PKHD1: variants seen among roughly 807,000 people sequenced by gnomAD.
PKHD1 encodes fibrocystin.
A neutral mutation model predicts 412.0 loss-of-function variants in PKHD1; 291 were observed. The observed-to-expected ratio is 0.71, with a 90% CI of 0.64 to 0.78. PKHD1 has a LOEUF of 0.78. Among genes scored for constraint, PKHD1 ranks in the 30% least tolerant of loss-of-function variants. PKHD1 has a pLI of 0.00. For missense variants in PKHD1, 4,825 were observed against 4,950.7 expected (o/e 0.97, Z 0.76); for synonymous variants, 1,777 against 1,821.5 (o/e 0.98, Z 0.62).
rs1766267426 is a variant in PKHD1 at position 51,618,878 on chromosome 6, T to G, written c.*203A>C. ...GCCTAGCATTGAACTAGGATCATGA[T>G]AGCTGCAAAATATGTATGAGACATT... On this transcript the variant is annotated 3_prime_UTR_variant, in exon 67 of 67. Coordinates refer to ENST00000371117, the MANE Select transcript of PKHD1 (RefSeq NM_138694.4). 3.3e-6 allele frequency: 2 copies of G among 612,750 alleles called. No homozygotes were observed. Among genetic ancestry groups the G allele is most frequent in the Non-Finnish European group, 5.8e-6 (2 of 345,314 alleles). 38.0% of individuals were successfully genotyped at this position (612,750 alleles called of 1,614,324 possible).
intron 36 of PKHD1, among the ~76,000 whole-genome samples, chr6:51,957,971 C>A (rs909306930): frequency 1.3e-5 from 2 of 151,992 alleles, no homozygotes; most frequent in African/African-American, 2.4e-5. Flanking sequence ...CAGTATTATT[C>A]TTCATTTTTT....
At chr6:51,683,254 G>A (rs1019365520) in intron 60 of PKHD1, among the ~76,000 whole-genome samples, 2 of 151,992 alleles carry the variant, frequency 1.3e-5, no homozygotes, top group African/African-American at 4.8e-5. Context: ...AGCAAGGTGA[G>A]CAAATTTTAA....
At chr6:51,741,693 T>A (rs373468688) in intron 60 of PKHD1, among the ~76,000 whole-genome samples, 1 of 152,200 alleles carries the variant, frequency 6.6e-6, no homozygotes, top group East Asian at 1.9e-4. Flanking sequence ...ACTTCCCTTA[T>A]TGGCCTTATT....
Position 52,050,183 on chromosome 6 carries a change from G to A in PKHD1, c.2253C>T (p.Gly751=). The change falls in exon 22 of 67, where the codon GGC becomes GGT. Residue 751 remains glycine (G), a synonymous_variant. Coordinates refer to ENST00000371117, the MANE Select transcript of PKHD1 (RefSeq NM_138694.4). Reference sequence around the variant, plus strand: ...GTGCAGTGATGAGCGGGAGCTCCGTGCCACACCCCGCCAGCCAGGAGGTGA... The same window carrying A: ...GTGCAGTGATGAGCGGGAGCTCCGTACCACACCCCGCCAGCCAGGAGGTGA... ...YSVTSWLAGC[G]TELPLITARS... The A allele has an allele frequency of 1.2e-6, 2 of 1,614,170 alleles. No individual in the cohort carries two copies. Among genetic ancestry groups the A allele is most frequent in the Middle Eastern group, 1.7e-4 (1 of 6,042 alleles).
At chr6:52,061,082 C>G (rs926104970) in intron 14 of PKHD1, among the ~76,000 whole-genome samples, 1 of 152,186 alleles carries the variant, frequency 6.6e-6, no homozygotes, top group Non-Finnish European at 1.5e-5. Flanking sequence ...ACACCAAATG[C>G]AGCTGAAAGA....
chr6:51,847,054 G>C (rs917677226), intron 50 of PKHD1, among the ~76,000 whole-genome samples: 1 of 151,842 alleles, frequency 6.6e-6, no homozygotes, highest in Non-Finnish European at 1.5e-5. Flanking sequence ...CAACTTCCTG[G>C]GCTCAAGCTA....
intron 60 of PKHD1, among the ~76,000 whole-genome samples, chr6:51,670,017 T>C (rs1774628526): frequency 6.6e-6 from 1 of 151,548 alleles, no homozygotes; most frequent in South Asian, 2.1e-4. Flanking sequence ...AAAAATTGTA[T>C]ATTCTGGTGA....
chr6:51,950,220 A>AAATATATAT, intron 36 of PKHD1, among the ~76,000 whole-genome samples: 6,349 of 98,150 alleles, frequency 0.065, 285 homozygotes, highest in Non-Finnish European at 0.089. Context: ...GAAAAAAAAA[A>AAATATATAT]ATATATATAT....
At chr6:51,993,265 G>C (rs959106807) in intron 35 of PKHD1, among the ~76,000 whole-genome samples, 1 of 152,194 alleles carries the variant, frequency 6.6e-6, no homozygotes, top group African/African-American at 2.4e-5. Flanking sequence ...CTTCCAGCCT[G>C]GCCAGAGCTC....
At chr6:51,897,978 T>C (rs1479641670) in intron 43 of PKHD1, among the ~76,000 whole-genome samples, 2 of 152,024 alleles carry the variant, frequency 1.3e-5, no homozygotes, top group Non-Finnish European at 2.9e-5. Context: ...CCTAAATATA[T>C]ATGCACCCAA....
At chr6:51,793,238 A>G (rs1306529978) in intron 52 of PKHD1, among the ~76,000 whole-genome samples, 1 of 152,234 alleles carries the variant, frequency 6.6e-6, no homozygotes, top group African/African-American at 2.4e-5. Context: ...AAGTACCTAG[A>G]GAATGTTCTA....
intron 43 of PKHD1, among the ~76,000 whole-genome samples, chr6:51,892,557 AG>A (rs1393915635): frequency 6.6e-6 from 1 of 152,212 alleles, no homozygotes; most frequent in East Asian, 1.9e-4. Flanking sequence ...ATATTGACGT[AG>A]TTGAGAAACC....
intron 55 of PKHD1, among the ~76,000 whole-genome samples, chr6:51,760,785 G>A (rs1333861634): frequency 6.6e-6 from 1 of 152,032 alleles, no homozygotes; most frequent in Non-Finnish European, 1.5e-5. Flanking sequence ...TCAATTTAAA[G>A]GTTTAGGGCC....
chr6:51,708,888 AAAG>A (rs1366439187), intron 60 of PKHD1, among the ~76,000 whole-genome samples: 2 of 152,262 alleles, frequency 1.3e-5, no homozygotes, highest in African/African-American at 4.8e-5. Flanking sequence ...ATTAAAAGAA[AAAG>A]AAGAAAAAGA....
At chr6:51,870,471 T>A (rs1223553253) in intron 47 of PKHD1, 33 bp downstream of exon 47, 1 of 1,572,462 alleles carries the variant, frequency 6.4e-7, no homozygotes, top group Non-Finnish European at 8.7e-7. Flanking sequence ...ATGGGCCTTA[T>A]TTATCATCTG....
chr6:51,719,733 A>AATAAATGG (rs1246243920), intron 60 of PKHD1, among the ~76,000 whole-genome samples: 1 of 152,310 alleles, frequency 6.6e-6, no homozygotes, highest in East Asian at 1.9e-4. Flanking sequence ...TATATTGTAC[A>AATAAATGG]ATAAATGGCA....
intron 63 of PKHD1, among the ~76,000 whole-genome samples, chr6:51,646,234 T>A (rs17752699): frequency 6.6e-6 from 1 of 152,164 alleles, no homozygotes; most frequent in Non-Finnish European, 1.5e-5. Context: ...TGATTGGGAC[T>A]CCCTCCGATG....
At chr6:51,897,078 G>A (rs1195856162) in intron 43 of PKHD1, among the ~76,000 whole-genome samples, 1 of 151,580 alleles carries the variant, frequency 6.6e-6, no homozygotes, top group Non-Finnish European at 1.5e-5. Flanking sequence ...AACCAAGTTG[G>A]AAAACACTCT....
At chr6:52,014,694 CTGGATAGATGGA>C (rs751251420) in intron 34 of PKHD1, among the ~76,000 whole-genome samples, 19,814 of 121,404 alleles carry the variant, frequency 0.16, 2,592 homozygotes, top group Admixed American at 0.34. Context: ...GATGAATATA[CTGGATAGATGGA>C]TGGATGGATG....
Sources: allele counts gnomAD v4.1 joint callset (sites outside exome capture counted in the v4.1 genomes callset), GRCh38; gene constraint gnomAD v4.1.1; transcripts MANE v1.5; gene names NCBI Gene and HGNC (gene_info 2026-07-23, HGNC 2026-07-21).